The following ANKUB1 variants were observed in gnomAD, a reference collection of about 807,000 sequenced individuals.
ANKUB1 encodes the protein ankyrin repeat and ubiquitin domain containing 1, also known as protein ANKUB1.
Under a neutral mutation model 49.3 loss-of-function variants are expected in ANKUB1, and 42 were observed. The observed-to-expected ratio is 0.85, with a 90% CI of 0.67 to 1.10. The LOEUF (loss-of-function observed/expected upper bound fraction) is 1.10, where lower values mean the gene tolerates loss of function less well. Ranked by LOEUF, ANKUB1 falls within the 50% of genes least tolerant of loss-of-function variation. The probability of loss-of-function intolerance (pLI) is 0.00; values close to 1 mark genes in which losing one functional copy is unlikely to be tolerated. For synonymous variants in ANKUB1, 222 were observed against 231.0 expected (o/e 0.96, Z 0.35); for missense variants, 613 against 642.0 (o/e 0.95, Z 0.49).
At chr3:149,792,210 C>T (rs1047470509) in intron 1 of ANKUB1, 67 bp downstream of exon 1, 4 of 1,167,760 alleles carry the variant, frequency 3.4e-6, no homozygotes, top group Admixed American at 6.9e-5. Context: ...ACCCTTTGTA[C>T]ATTTTTAAAT....
intron 3 of ANKUB1, 97 bp downstream of exon 3, chr3:149,780,142 A>G (rs1373328543): frequency 2.5e-5 from 24 of 957,092 alleles, no homozygotes; most frequent in African/African-American, 3.3e-5. Context: ...TGTATATGAA[A>G]ATCTAGATTT....
Position 149,780,315 on chromosome 3 carries a change from A to C in ANKUB1, c.375T>G (p.Ser125Arg). 1.9e-6 allele frequency: 3 copies of C among 1,551,730 alleles called. No homozygotes were observed. Among genetic ancestry groups the C allele is most frequent in the Non-Finnish European group, 2.6e-6 (3 of 1,146,996 alleles). ...CCCTTGGGGTTCGGAGACAGTAGAC[A>C]CTCACGGGGAGGCCACATCTCAGAG... ...LVTLRCGLPV[S>R]VYCLRTPRGL... is the part of the protein sequence containing the mutation. The change falls in exon 3 of 6, where the codon AGT (serine) becomes AGG (arginine). Residue 125 changes from serine (S) to arginine (R), a missense_variant. Ser to Arg is a moderately radical substitution (Grantham distance 110). Transcript: ENST00000446160.
Position 149,761,627 on chromosome 3 carries a change from A to T in ANKUB1, c.1506-14T>A, listed in dbSNP as rs969501482. On this transcript the variant is annotated splice_polypyrimidine_tract_variant and intron_variant, in intron 5 of 5. Transcript: ENST00000446160. The stretch of plus-strand genomic sequence containing the variant: ...TCTTTAAAGGCACTGCAAGAAAACA[A>T]GATATAATTTGTAAGGAGGTCTGAT... The T allele has an allele frequency of 6.5e-7, 1 of 1,550,030 alleles. No individual in the cohort carries two copies. The highest frequency in any genetic ancestry group is 1.4e-5 in the African/African-American group (1 of 72,980).
At chr3:149,764,785 T>C (rs982453046) in intron 5 of ANKUB1, among the ~76,000 whole-genome samples, 1 of 151,564 alleles carries the variant, frequency 6.6e-6, no homozygotes, top group Admixed American at 6.6e-5. Context: ...TTTAACAAAA[T>C]GTTTTCTCTA....
At chr3:149,774,785 T>C (rs1007024146) in intron 3 of ANKUB1, among the ~76,000 whole-genome samples, 1 of 152,244 alleles carries the variant, frequency 6.6e-6, no homozygotes, top group Non-Finnish European at 1.5e-5. Flanking sequence ...CAGCCAGCAC[T>C]GTTTATTAGA....
At chr3:149,775,276 G>A (rs942388501) in intron 3 of ANKUB1, among the ~76,000 whole-genome samples, 1 of 152,074 alleles carries the variant, frequency 6.6e-6, no homozygotes, top group Admixed American at 6.5e-5. Flanking sequence ...TATGGAAATT[G>A]TTTCTCTGGT....
At chr3:149,763,313 C>A (rs1409188307) in intron 5 of ANKUB1, among the ~76,000 whole-genome samples, 1 of 152,174 alleles carries the variant, frequency 6.6e-6, no homozygotes, top group Non-Finnish European at 1.5e-5. Context: ...AGGCTCAGAG[C>A]CTATCCTGAT....
At chr3:149,792,246 C>T (rs1718390831) in intron 1 of ANKUB1, 31 bp downstream of exon 1, 3 of 1,416,840 alleles carry the variant, frequency 2.1e-6, no homozygotes, top group African/African-American at 1.5e-5. Context: ...AATTAATATA[C>T]ATTTTGGTGG....
At chr3:149,772,075 G>T (rs1173295331) in intron 3 of ANKUB1, among the ~76,000 whole-genome samples, 1 of 149,202 alleles carries the variant, frequency 6.7e-6, no homozygotes, top group Admixed American at 6.7e-5. Context: ...CCCAGGCTGG[G>T]GTGCAGTGGC....
intron 4 of ANKUB1, among the ~76,000 whole-genome samples, chr3:149,768,418 T>C (rs1717166889): frequency 7.0e-6 from 1 of 143,560 alleles, no homozygotes; most frequent in Admixed American, 6.9e-5. Flanking sequence ...CTCTGAGCTA[T>C]TAGATTTTAT....
chr3:149,783,133 GT>G (rs1717940987), intron 2 of ANKUB1: 1 of 152,138 alleles, frequency 6.6e-6, no homozygotes, highest in Admixed American at 6.5e-5. Context: ...TTGAGTTCTA[GT>G]GAGGCACATT....
intron 3 of ANKUB1, 52 bp from the exon 4 acceptor site, chr3:149,770,726 C>T: frequency 1.7e-6 from 2 of 1,157,776 alleles, no homozygotes; most frequent in East Asian, 2.8e-5. Flanking sequence ...TGTGGTTTGA[C>T]AATCCATAAA....
intron 2 of ANKUB1, among the ~76,000 whole-genome samples, chr3:149,789,980 A>AT (rs1317536094): frequency 6.6e-6 from 1 of 152,148 alleles, no homozygotes; most frequent in Non-Finnish European, 1.5e-5. Flanking sequence ...GACTACCATA[A>AT]TTTTTTAAAA....
chr3:149,770,195 T>C (rs1717279211), intron 4 of ANKUB1, among the ~76,000 whole-genome samples: 1 of 152,208 alleles, frequency 6.6e-6, no homozygotes. Flanking sequence ...GTGTTATCAG[T>C]AAGGCTTCTG....
intron 3 of ANKUB1, among the ~76,000 whole-genome samples, chr3:149,771,041 C>G (rs1717337029): frequency 6.6e-6 from 1 of 152,202 alleles, no homozygotes; most frequent in African/African-American, 2.4e-5. Context: ...GCAGGACAAA[C>G]AGTCTTCTGG....
rs1717795186 is a variant in ANKUB1 at position 149,780,242 on chromosome 3, T to A, written c.448A>T (p.Ile150Phe). The A allele has an allele frequency of 6.4e-7, 1 of 1,551,494 alleles. No individual in the cohort carries two copies. Among genetic ancestry groups the A allele is most frequent in the African/African-American group, 1.4e-5 (1 of 73,024 alleles). ...TATCAAATATACTGGGCAGTACCAA[T>A]ATCAGTCTGGTAGTCCTTGAGGGTG... ...CNTLKDYQTD[I>F]GTTLRLDVWD... is the part of the protein sequence containing the mutation. Residue 150 changes from isoleucine (I) to phenylalanine (F), a missense_variant, in exon 3 of 6, where the codon ATT (isoleucine) becomes TTT (phenylalanine). By Grantham distance (21) the Ile-to-Phe change is conservative. Coordinates refer to ENST00000446160, the MANE Select transcript of ANKUB1 (RefSeq NM_001144960.3).
intron 2 of ANKUB1, among the ~76,000 whole-genome samples, chr3:149,790,527 ACTG>A (rs1718313013): frequency 1.3e-5 from 2 of 152,114 alleles, no homozygotes; most frequent in Non-Finnish European, 1.5e-5. Context: ...AGATGACAGG[ACTG>A]GGCAGGCAAT....
In ANKUB1 at chr3:149,792,329, G is replaced by A. The variant is rs759218065; in HGVS notation, c.38C>T (p.Pro13Leu). The A allele has an allele frequency of 6.5e-6, 10 of 1,529,552 alleles. No individual in the cohort carries two copies. In the East Asian group the frequency reaches 7.5e-5, roughly 12 times the overall value. 94.7% of individuals were successfully genotyped at this position (1,529,552 alleles called of 1,614,324 possible). A position where few individuals can be genotyped will look rare whatever the true frequency, so the allele number is the denominator to read the frequency against. ...AGTTTCATCTGCTGAAACATCAAACGGTTCAAAAGATCCTTCAAAGGCGAT... is the reference window on the plus strand; with the variant it reads ...AGTTTCATCTGCTGAAACATCAAACAGTTCAAAAGATCCTTCAAAGGCGAT... The part of the protein sequence containing the change: ...IFIAFEGSFE[P>L]FDVSADETVE... Residue 13 changes from proline to leucine, a missense_variant, in exon 1 of 6, where the codon CCG becomes CTG. Pro to Leu is a moderately conservative substitution (Grantham distance 98, BLOSUM62 -3). Coordinates refer to ENST00000446160, the MANE Select transcript of ANKUB1 (RefSeq NM_001144960.3).
chr3:149,761,787 G>T (rs1052712370), intron 5 of ANKUB1, among the ~76,000 whole-genome samples, 174 bp from the exon 6 acceptor site: 89 of 152,310 alleles, frequency 5.8e-4, no homozygotes, highest in Middle Eastern at 3.4e-3. Flanking sequence ...CTGTGATGCA[G>T]TGGGAATGAT....
Sources: gnomAD v4.1 joint callset for allele counts (sites outside exome capture counted in the v4.1 genomes callset) on GRCh38, gnomAD v4.1.1 for gene constraint, MANE v1.5 for transcripts, NCBI Gene and HGNC (gene_info 2026-07-23, HGNC 2026-07-21) for gene names.